DPF3: variants seen among roughly 807,000 people sequenced by gnomAD.
DPF3 encodes zinc finger protein DPF3.
A neutral mutation model predicts 56.8 loss-of-function variants in DPF3; 18 were observed. The ratio of observed to expected loss-of-function variants is 0.32; its 90% CI spans 0.22 to 0.47. The LOEUF (loss-of-function observed/expected upper bound fraction) is 0.47. Ranked by LOEUF, DPF3 falls within the 20% of genes least tolerant of loss-of-function variation. The probability of loss-of-function intolerance (pLI) is 1.00; values close to 1 mark genes in which losing one functional copy is unlikely to be tolerated. For missense variants in DPF3, 403 were observed against 488.8 expected (o/e 0.82, Z 1.65); for synonymous variants, 188 against 180.2 (o/e 1.04, Z -0.35).
chr14:72,811,741 G>A (rs750692404), intron 1 of DPF3, among the ~76,000 whole-genome samples: 11 of 152,134 alleles, frequency 7.2e-5, no homozygotes, highest in Non-Finnish European at 1.2e-4. Flanking sequence ...GCACACAAAT[G>A]TTAGTCACTT....
At chr14:72,735,783 T>G (rs1473766408) in intron 3 of DPF3, among the ~76,000 whole-genome samples, 1 of 152,328 alleles carries the variant, frequency 6.6e-6, no homozygotes, top group East Asian at 1.9e-4. Context: ...CATTTCCATA[T>G]GTGGTAAATG....
intron 1 of DPF3, among the ~76,000 whole-genome samples, chr14:72,859,471 C>CG (rs1555513715): frequency 4.0e-3 from 94 of 23,366 alleles, no homozygotes; most frequent in South Asian, 9.8e-3. Flanking sequence ...CAGCTTCCTC[C>CG]CCCCCCCCCC....
intron 6 of DPF3, among the ~76,000 whole-genome samples, chr14:72,705,148 T>C (rs970649181): frequency 2.0e-5 from 3 of 152,140 alleles, no homozygotes; most frequent in Non-Finnish European, 2.9e-5. Flanking sequence ...CATCTGTATT[T>C]ACAGCTGCTC....
At chr14:72,768,950 TG>T (rs1891403414) in intron 2 of DPF3, among the ~76,000 whole-genome samples, 1 of 151,606 alleles carries the variant, frequency 6.6e-6, no homozygotes, top group Admixed American at 6.6e-5. Flanking sequence ...TGTGTGTGTG[TG>T]TGTGTGTGTG....
chr14:72,885,924 A>C (rs755282535), intron 1 of DPF3, among the ~76,000 whole-genome samples: 4 of 152,264 alleles, frequency 2.6e-5, no homozygotes, highest in Non-Finnish European at 5.9e-5. Context: ...CATTATGCTA[A>C]GTGAAATAAG....
chr14:72,793,470 T>C (rs1892518937), intron 1 of DPF3, among the ~76,000 whole-genome samples: 1 of 152,250 alleles, frequency 6.6e-6, no homozygotes, highest in Non-Finnish European at 1.5e-5. Context: ...GCCAGTCTAA[T>C]AAGGACACTG....
intron 2 of DPF3, among the ~76,000 whole-genome samples, chr14:72,767,326 A>G (rs1891328125): frequency 1.3e-5 from 2 of 152,254 alleles, no homozygotes; most frequent in Admixed American, 1.3e-4. Context: ...CACCAACAAG[A>G]AAATAACAAA....
chr14:72,846,396 T>G (rs77975626), intron 1 of DPF3, among the ~76,000 whole-genome samples: 2 of 137,578 alleles, frequency 1.5e-5, no homozygotes, highest in Admixed American at 1.7e-4. Flanking sequence ...AGTGCAGTGG[T>G]GCGATCTCGG....
At chr14:72,669,522 TAGAC>T (rs1886579943) in intron 8 of DPF3, among the ~76,000 whole-genome samples, 1 of 152,176 alleles carries the variant, frequency 6.6e-6, no homozygotes, top group African/African-American at 2.4e-5. Flanking sequence ...AAATACCACC[TAGAC>T]ATGCAGTGCC....
chr14:72,804,998 C>T (rs1882687524), intron 1 of DPF3, among the ~76,000 whole-genome samples: 2 of 151,198 alleles, frequency 1.3e-5, no homozygotes, highest in South Asian at 2.1e-4. Context: ...AGTCACTTTC[C>T]TCTCGGAGCT....
intron 2 of DPF3, among the ~76,000 whole-genome samples, chr14:72,766,475 A>T (rs1390286490): frequency 6.6e-6 from 1 of 152,164 alleles, no homozygotes; most frequent in Non-Finnish European, 1.5e-5. Flanking sequence ...TTATTGAGAC[A>T]AAGTATCACT....
chr14:72,828,340 TG>T (rs1883903867), intron 1 of DPF3, among the ~76,000 whole-genome samples: 1 of 151,984 alleles, frequency 6.6e-6, no homozygotes, highest in African/African-American at 2.4e-5. Flanking sequence ...CTCCAGGGTC[TG>T]GGGCATCTTC....
At chr14:72,729,655 A>G (rs116639215) in intron 4 of DPF3, among the ~76,000 whole-genome samples, 1,686 of 152,326 alleles carry the variant, frequency 0.011, 27 homozygotes, top group African/African-American at 0.038. Flanking sequence ...GAATGTTACT[A>G]AATCAGAGAA....
chr14:72,656,699 G>A (rs1038153538), intron 8 of DPF3, among the ~76,000 whole-genome samples: 4 of 152,184 alleles, frequency 2.6e-5, no homozygotes, highest in Non-Finnish European at 4.4e-5. Context: ...AGAACTTGGA[G>A]AAAATGAAAC....
intron 8 of DPF3, among the ~76,000 whole-genome samples, chr14:72,650,532 C>T (rs933345562): frequency 6.6e-5 from 10 of 152,288 alleles, no homozygotes; most frequent in Admixed American, 2.6e-4. Flanking sequence ...GTTAGACAAG[C>T]TCTAGGGTCT....
In DPF3 at chr14:72,617,743, G is replaced by A. The variant is rs1884169801; in HGVS notation, c.*1554C>T. ...TGCCGAGGGACAGCACAAATACTGC[G>A]GCCGGGCAGAGGTGGCCCAACTAGC... On this transcript the variant is annotated 3_prime_UTR_variant, in exon 11 of 11. Coordinates refer to ENST00000556509, the MANE Select transcript of DPF3 (RefSeq NM_001280542.3). Among the ~76,000 whole-genome samples the A allele has an allele frequency of 6.6e-6, 1 of 152,136 alleles. No individual in the cohort carries two copies. Among genetic ancestry groups the A allele is most frequent in the Non-Finnish European group, 1.5e-5 (1 of 68,030 alleles).
intron 3 of DPF3, among the ~76,000 whole-genome samples, chr14:72,736,451 A>C (rs1275058212): frequency 6.6e-6 from 1 of 152,202 alleles, no homozygotes; most frequent in Non-Finnish European, 1.5e-5. Context: ...TGTGGTTCTT[A>C]ATGTTGTCCA....
At chr14:72,872,093 G>T (rs1885922967) in intron 1 of DPF3, among the ~76,000 whole-genome samples, 1 of 152,186 alleles carries the variant, frequency 6.6e-6, no homozygotes, top group Non-Finnish European at 1.5e-5. Flanking sequence ...CAACGCTTGG[G>T]GCTTCCACCC....
chr14:72,838,329 A>G (rs1884384089), intron 1 of DPF3, among the ~76,000 whole-genome samples: 1 of 152,012 alleles, frequency 6.6e-6, no homozygotes, highest in Non-Finnish European at 1.5e-5. Context: ...CTTTGTCTCT[A>G]CTAAAAATAC....
Sources: allele counts gnomAD v4.1 joint callset (sites outside exome capture counted in the v4.1 genomes callset), GRCh38; gene constraint gnomAD v4.1.1; transcripts MANE v1.5; gene names NCBI Gene and HGNC (gene_info 2026-07-23, HGNC 2026-07-21).